Variants in PPP4R4 observed in about 807,000 individuals in gnomAD.
PPP4R4 encodes the protein protein phosphatase 4 regulatory subunit 4.
A neutral mutation model predicts 121.8 loss-of-function variants in PPP4R4; 70 were observed. That is an observed-to-expected ratio of 0.57 (90% CI 0.47 to 0.70). The LOEUF (loss-of-function observed/expected upper bound fraction) is 0.70. Ranked by LOEUF, PPP4R4 falls within the 30% of genes least tolerant of loss-of-function variation. PPP4R4 has a pLI of 0.00. For missense variants in PPP4R4, 875 were observed against 1,033.6 expected, an observed-to-expected ratio of 0.85 and a Z score of 2.10; for synonymous variants, 348 against 355.7, an observed-to-expected ratio of 0.98 and a Z score of 0.24.
intron 6 of PPP4R4, 54 bp downstream of exon 6, chr14:94,233,813 A>C (rs539391232): frequency 1.8e-6 from 2 of 1,102,610 alleles, no homozygotes; most frequent in Non-Finnish European, 2.7e-6. Context: ...TTTAAAATGT[A>C]TAATGACTGT....
chr14:94,217,623 A>T (rs1479774437), intron 3 of PPP4R4, among the ~76,000 whole-genome samples: 1 of 152,240 alleles, frequency 6.6e-6, no homozygotes, highest in East Asian at 1.9e-4. Flanking sequence ...GGTAAAAAAA[A>T]ATCCACTGAA....
intron 3 of PPP4R4, among the ~76,000 whole-genome samples, chr14:94,226,751 A>G (rs1043840431): frequency 8.5e-5 from 13 of 152,156 alleles, no homozygotes; most frequent in African/African-American, 3.1e-4. Flanking sequence ...CAAAATAATC[A>G]ATGCTATCTC....
chr14:94,176,950 T>A (rs1484063411), intron 2 of PPP4R4, among the ~76,000 whole-genome samples: 1 of 152,108 alleles, frequency 6.6e-6, no homozygotes, highest in African/African-American at 2.4e-5. Context: ...ATTTACCTCC[T>A]AGGATATTTG....
chr14:94,256,749 T>A, intron 17 of PPP4R4, 145 bp downstream of exon 17: 1 of 960,528 alleles, frequency 1.0e-6, no homozygotes, highest in Non-Finnish European at 1.5e-6. Context: ...AATGATTTGG[T>A]TGATATGTGC....
intron 11 of PPP4R4, 125 bp downstream of exon 11, chr14:94,242,533 TC>T: frequency 1.0e-6 from 1 of 983,860 alleles, no homozygotes; most frequent in South Asian, 2.4e-5. Context: ...TAGTCTTAAA[TC>T]TTGTTTAAAA....
At chr14:94,260,270 C>T (rs1893711583) in intron 19 of PPP4R4, among the ~76,000 whole-genome samples, 1 of 151,784 alleles carries the variant, frequency 6.6e-6, no homozygotes, top group Non-Finnish European at 1.5e-5. Flanking sequence ...CTAAAAAATA[C>T]AAAAAATTAG....
At chr14:94,227,939 A>C (rs1412005556) in intron 3 of PPP4R4, 1 of 924,950 alleles carries the variant, frequency 1.1e-6, no homozygotes, top group African/African-American at 1.8e-5. Flanking sequence ...TCTTTTGGGA[A>C]CACTAAAACA....
chr14:94,174,337 TG>T lies in PPP4R4; in HGVS notation c.-127del. 2 of 800,562 alleles carry T rather than the reference TG, an allele frequency of 2.5e-6. No individual in the cohort carries two copies. Among genetic ancestry groups the T allele is most frequent in the Non-Finnish European group, 3.3e-6 (2 of 606,466 alleles). The allele number at this position is 800,562 out of a possible 1,614,324, so 49.6% of individuals were successfully genotyped here. ...GGGCCGTGCTCTTGCTCCCGCCGCC[TG>T]GCAGCCTCACGCTCGGCTCCAGCGG... On this transcript the variant is annotated 5_prime_UTR_variant, in exon 1 of 25. Coordinates refer to ENST00000304338, the MANE Select transcript of PPP4R4 (RefSeq NM_058237.2).
chr14:94,200,748 C>G (rs1220970920), intron 2 of PPP4R4, among the ~76,000 whole-genome samples: 3 of 150,514 alleles, frequency 2.0e-5, no homozygotes, highest in Non-Finnish European at 4.4e-5. Flanking sequence ...CGCTAGTGGT[C>G]TATCAATGTT....
chr14:94,255,571 A>C (rs1893423928), intron 16 of PPP4R4, among the ~76,000 whole-genome samples: 1 of 151,652 alleles, frequency 6.6e-6, no homozygotes, highest in African/African-American at 2.4e-5. Flanking sequence ...ACTGCATTCC[A>C]GCCTGGGCGA....
chr14:94,218,735 T>C (rs1178742345), intron 3 of PPP4R4, among the ~76,000 whole-genome samples: 15 of 56,220 alleles, frequency 2.7e-4, no homozygotes, highest in East Asian at 1.3e-3. Flanking sequence ...ACACCGCACG[T>C]GCGCGCGCGC....
intron 2 of PPP4R4, among the ~76,000 whole-genome samples, chr14:94,191,578 A>G (rs1889603589): frequency 6.6e-6 from 1 of 152,186 alleles, no homozygotes; most frequent in Non-Finnish European, 1.5e-5. Context: ...ACACTGGTAC[A>G]GAACAGCAGA....
intron 22 of PPP4R4, 55 bp from the exon 23 acceptor site, chr14:94,266,904 T>G: frequency 4.0e-5 from 46 of 1,152,220 alleles, no homozygotes; most frequent in Non-Finnish European, 5.4e-5. Context: ...GTTAGATGAC[T>G]GAGATTGTAA....
chr14:94,214,369 T>C (rs983160778), intron 3 of PPP4R4, among the ~76,000 whole-genome samples: 5 of 152,098 alleles, frequency 3.3e-5, no homozygotes, highest in African/African-American at 1.2e-4. Context: ...CAATGTGAAA[T>C]GTGATTTCCT....
chr14:94,181,320 G>T (rs982687553), intron 2 of PPP4R4, among the ~76,000 whole-genome samples: 1 of 152,072 alleles, frequency 6.6e-6, no homozygotes, highest in Non-Finnish European at 1.5e-5. Flanking sequence ...TATATAGGTG[G>T]TCTTGAGTGA....
At chr14:94,199,456 T>G (rs1890050380) in intron 2 of PPP4R4, among the ~76,000 whole-genome samples, 1 of 152,152 alleles carries the variant, frequency 6.6e-6, no homozygotes, top group Admixed American at 6.5e-5. Flanking sequence ...TCTTTCAGTT[T>G]TGCTGTCCGT....
intron 1 of PPP4R4, among the ~76,000 whole-genome samples, chr14:94,174,982 C>CG (rs1888594856): frequency 6.8e-6 from 1 of 147,742 alleles, no homozygotes; most frequent in Non-Finnish European, 1.5e-5. Context: ...CGCCCCCCCC[C>CG]CCCAAAGGAG....
chr14:94,185,196 T>C (rs7158808), intron 2 of PPP4R4, among the ~76,000 whole-genome samples: 121,529 of 152,120 alleles, frequency 0.8, 49,067 homozygotes, highest in Admixed American at 0.85. Context: ...GAGCCCAAGT[T>C]CCCTAATGTA....
At chr14:94,186,103 T>C (rs1415619637) in intron 2 of PPP4R4, among the ~76,000 whole-genome samples, 1 of 152,214 alleles carries the variant, frequency 6.6e-6, no homozygotes, top group Non-Finnish European at 1.5e-5. Flanking sequence ...ATTTTTTTCA[T>C]TTTTTGAAGC....
Sources: gnomAD v4.1 joint callset for allele counts (sites outside exome capture counted in the v4.1 genomes callset) on GRCh38, gnomAD v4.1.1 for gene constraint, MANE v1.5 for transcripts, NCBI Gene and HGNC (gene_info 2026-07-23, HGNC 2026-07-21) for gene names.